The following TRIM44 variants were observed in gnomAD, a reference collection of about 807,000 sequenced individuals.
TRIM44 encodes tripartite motif containing 44, also known as tripartite motif-containing protein 44.
In TRIM44, 13 loss-of-function variants were observed where a neutral mutation model predicts 37.4. The observed-to-expected ratio is 0.35, with a 90% CI of 0.23 to 0.55. The LOEUF (loss-of-function observed/expected upper bound fraction) is 0.55. Among genes scored for constraint, TRIM44 ranks in the 20% least tolerant of loss-of-function variants. TRIM44 has a pLI of 0.89. For synonymous variants in TRIM44, 175 were observed against 157.2 expected (o/e 1.11, Z -0.85); for missense variants, 426 against 437.2 (o/e 0.97, Z 0.23).
chr11:35,701,819 A>G (rs942210658), intron 2 of TRIM44, among the ~76,000 whole-genome samples: 37 of 152,326 alleles, frequency 2.4e-4, no homozygotes, highest in African/African-American at 8.9e-4. Flanking sequence ...GGAGATAAAC[A>G]GTGACTTTTA....
intron 1 of TRIM44, among the ~76,000 whole-genome samples, chr11:35,676,183 A>G (rs1043153902): frequency 6.6e-6 from 1 of 152,168 alleles, no homozygotes; most frequent in Non-Finnish European, 1.5e-5. Context: ...AGTTATGATG[A>G]GGAACAAACA....
At chr11:35,796,192 C>A (rs1232816351) in intron 4 of TRIM44, among the ~76,000 whole-genome samples, 2 of 152,172 alleles carry the variant, frequency 1.3e-5, no homozygotes, top group Admixed American at 1.3e-4. Flanking sequence ...ATGGGACTCC[C>A]AAAGCTACTG....
At position 35,733,794 on chromosome 11, in the gene TRIM44, G is replaced by A. The variant is rs139195062; in HGVS notation, c.988-1632G>A. On this transcript the variant is annotated intron_variant, in intron 3 of 4. Transcript: ENST00000299413. ...GTTCCAACCTTATACCACCCCCAGC[G>A]CCCTGCCCAAAACACACATGTGCAC... 2.6e-3 allele frequency among the ~76,000 whole-genome samples: 389 copies of A among 151,978 alleles called. 3 individuals are homozygous for A. The highest frequency in any genetic ancestry group is 8.8e-3 in the African/African-American group (363 of 41,460).
intron 4 of TRIM44, among the ~76,000 whole-genome samples, chr11:35,753,484 A>T (rs978328085): frequency 1.3e-5 from 2 of 152,206 alleles, no homozygotes; most frequent in Non-Finnish European, 2.9e-5. Flanking sequence ...TATGGTTTCC[A>T]CATGGCTGTG....
chr11:35,746,610 C>T (rs1323855), intron 4 of TRIM44, among the ~76,000 whole-genome samples: 2,246 of 152,020 alleles, frequency 0.015, 56 homozygotes, highest in African/African-American at 0.051. Flanking sequence ...AGTTCAGAGT[C>T]GATGAGTGCA....
intron 4 of TRIM44, among the ~76,000 whole-genome samples, chr11:35,754,416 T>C (rs1384373740): frequency 6.6e-6 from 1 of 152,220 alleles, no homozygotes; most frequent in African/African-American, 2.4e-5. Flanking sequence ...CCCCTTTATC[T>C]GTACACCTCC....
chr11:35,794,272 T>G (rs1853253816), intron 4 of TRIM44, among the ~76,000 whole-genome samples: 1 of 152,190 alleles, frequency 6.6e-6, no homozygotes. Context: ...CTCTCTCCCT[T>G]CATAGACTGT....
intron 2 of TRIM44, among the ~76,000 whole-genome samples, chr11:35,712,275 C>T (rs1851984224): frequency 6.6e-6 from 1 of 152,080 alleles, no homozygotes; most frequent in African/African-American, 2.4e-5. Flanking sequence ...GAAGCAGACT[C>T]CCTAGTTAGC....
In TRIM44 at chr11:35,775,180, C is replaced by T. The variant is rs530418076; in HGVS notation, c.1008-31178C>T. ...TTTGTAGTTCTCCTTGAAGAGGTCC[C>T]TCACATCCCTTGTAAGTTGGATTCC... On this transcript the variant is annotated intron_variant, in intron 4 of 4. Coordinates refer to ENST00000299413, the MANE Select transcript of TRIM44 (RefSeq NM_017583.6). Among the ~76,000 whole-genome samples the T allele has an allele frequency of 1.9e-3, 286 of 152,148 alleles. 2 individuals carry two copies. The highest frequency in any genetic ancestry group is 6.6e-3 in the African/African-American group (275 of 41,516).
intron 2 of TRIM44, among the ~76,000 whole-genome samples, chr11:35,704,024 C>A (rs1239369719): frequency 9.9e-5 from 15 of 151,862 alleles, no homozygotes; most frequent in Non-Finnish European, 1.6e-4. Context: ...AAAATTTAGA[C>A]GAATGTATAA....
intron 2 of TRIM44, among the ~76,000 whole-genome samples, chr11:35,703,309 AGGCTC>A (rs1851822009): frequency 6.6e-6 from 1 of 152,238 alleles, no homozygotes. Flanking sequence ...CTGCCTCTGT[AGGCTC>A]CACCTGTGGG....
chr11:35,776,716 A>C (rs11511916), intron 4 of TRIM44, among the ~76,000 whole-genome samples: 1 of 152,302 alleles, frequency 6.6e-6, no homozygotes, highest in East Asian at 1.9e-4. Context: ...TTGTGCACCC[A>C]GTAGTCATTC....
intron 4 of TRIM44, among the ~76,000 whole-genome samples, chr11:35,736,796 A>T (rs1852330977): frequency 6.6e-6 from 1 of 152,064 alleles, no homozygotes; most frequent in African/African-American, 2.4e-5. Context: ...CCATCTTTCA[A>T]CCATTCTCAG....
intron 3 of TRIM44, among the ~76,000 whole-genome samples, chr11:35,728,536 T>C (rs1318801992): frequency 6.6e-6 from 1 of 152,210 alleles, no homozygotes. Context: ...GAGATAGCGT[T>C]CAGCCACTAG....
intron 4 of TRIM44, among the ~76,000 whole-genome samples, chr11:35,743,848 T>C (rs1852448747): frequency 2.0e-5 from 3 of 152,186 alleles, no homozygotes. Context: ...TGGCGTGAAC[T>C]AGAAAAAGGT....
chr11:35,685,407 A>T (rs1851563820), intron 2 of TRIM44, 71 bp downstream of exon 2: 1 of 1,308,726 alleles, frequency 7.6e-7, no homozygotes, highest in Non-Finnish European at 1.1e-6. Context: ...TAAAATTGTG[A>T]GGTGTTGATG....
chr11:35,769,859 A>C (rs116212593), intron 4 of TRIM44, among the ~76,000 whole-genome samples: 3 of 152,262 alleles, frequency 2.0e-5, no homozygotes, highest in African/African-American at 7.2e-5. Context: ...TGATGTCACC[A>C]AAAGTGTCTC....
intron 2 of TRIM44, among the ~76,000 whole-genome samples, chr11:35,706,949 A>G (rs1011274875): frequency 1.3e-4 from 19 of 151,496 alleles, no homozygotes; most frequent in African/African-American, 3.1e-4. Context: ...AGGGTATTCA[A>G]TTAGGAAAAG....
At chr11:35,746,613 T>C (rs1347652315) in intron 4 of TRIM44, among the ~76,000 whole-genome samples, 1 of 152,090 alleles carries the variant, frequency 6.6e-6, no homozygotes, top group Non-Finnish European at 1.5e-5. Context: ...TCAGAGTCGA[T>C]GAGTGCAGAT....
Sources: gnomAD v4.1 joint callset for allele counts (sites outside exome capture counted in the v4.1 genomes callset) on GRCh38, gnomAD v4.1.1 for gene constraint, MANE v1.5 for transcripts, NCBI Gene and HGNC (gene_info 2026-07-23, HGNC 2026-07-21) for gene names.